The following ADRA1B variants were observed in gnomAD, a reference collection of about 807,000 sequenced individuals.
The protein encoded by ADRA1B is adrenoceptor alpha 1B, also known as alpha-1B adrenergic receptor.
In ADRA1B, 17 loss-of-function variants were observed where a neutral mutation model predicts 17.9. The observed-to-expected ratio is 0.95, with a 90% CI of 0.65 to 1.42. ADRA1B has a LOEUF of 1.42. Ranked by LOEUF, ADRA1B falls within the 40% of genes most tolerant of loss-of-function variation. ADRA1B has a pLI of 0.00. For synonymous variants in ADRA1B, 366 were observed against 327.6 expected, an observed-to-expected ratio of 1.12 and a Z score of -1.27; for missense variants, 681 against 722.1, an observed-to-expected ratio of 0.94 and a Z score of 0.65.
At chr5:159,904,021 G>A (rs1026081179) in intron 1 of ADRA1B, among the ~76,000 whole-genome samples, 2 of 152,274 alleles carry the variant, frequency 1.3e-5, no homozygotes, top group East Asian at 1.9e-4. Flanking sequence ...AGCATTTGCC[G>A]AAATGTTAAC....
chr5:159,948,229 G>A (rs1755329883), intron 1 of ADRA1B: 2 of 985,430 alleles, frequency 2.0e-6, no homozygotes, highest in Non-Finnish European at 2.4e-6. Flanking sequence ...CTGCATTACA[G>A]CACAGATTAT....
intron 1 of ADRA1B, among the ~76,000 whole-genome samples, chr5:159,925,312 T>C (rs1754614992): frequency 6.6e-6 from 1 of 152,246 alleles, no homozygotes; most frequent in Non-Finnish European, 1.5e-5. Flanking sequence ...GTCGTTCCTC[T>C]AGGAAGATAA....
At chr5:159,980,799 CTT>C in the ADRA1B span, among the ~76,000 whole-genome samples, 3 of 151,894 alleles carry the variant, frequency 2.0e-5, no homozygotes, top group East Asian at 5.8e-4. Context: ...AAAATGGAGA[CTT>C]AGAATTAGCC....
At chr5:159,911,722 G>A (rs1196929800), upstream of ADRA1B, among the ~76,000 whole-genome samples, 1 of 152,120 alleles carries the variant, frequency 6.6e-6, no homozygotes, top group African/African-American at 2.4e-5. Flanking sequence ...GCCTTTGGAG[G>A]TAGAAGAGAA....
At chr5:159,988,640 T>C in the ADRA1B span, among the ~76,000 whole-genome samples, 669 of 152,272 alleles carry the variant, frequency 4.4e-3, 5 homozygotes, top group African/African-American at 0.016. Flanking sequence ...CACCTGAGTC[T>C]CTTTCCTAGA....
At chr5:159,891,225 C>A (rs1753980323) in intron 1 of ADRA1B, among the ~76,000 whole-genome samples, 1 of 152,190 alleles carries the variant, frequency 6.6e-6, no homozygotes, top group Admixed American at 6.5e-5. Flanking sequence ...CAGAGCTATG[C>A]ACTGCTTTAT....
intron 1 of ADRA1B, among the ~76,000 whole-genome samples, chr5:159,939,424 T>C (rs1041299298): frequency 6.6e-6 from 1 of 151,902 alleles, no homozygotes; most frequent in Non-Finnish European, 1.5e-5. Flanking sequence ...AGAGCACAGA[T>C]CTGCTCAAGC....
chr5:159,971,565 T>G (rs569159054), intron 1 of ADRA1B, among the ~76,000 whole-genome samples: 1 of 152,314 alleles, frequency 6.6e-6, no homozygotes, highest in Non-Finnish European at 1.5e-5. Flanking sequence ...GGGCGATTAT[T>G]GTTATCACTT....
At chr5:159,959,665 G>A (rs1471124846) in intron 1 of ADRA1B, among the ~76,000 whole-genome samples, 1 of 152,122 alleles carries the variant, frequency 6.6e-6, no homozygotes, top group Admixed American at 6.5e-5. Context: ...GTATTGTCAA[G>A]TTAAAAGTGA....
intron 1 of ADRA1B, among the ~76,000 whole-genome samples, chr5:159,928,576 TAC>T (rs144332506): frequency 0.026 from 3,999 of 152,312 alleles, 80 homozygotes; most frequent in Non-Finnish European, 0.036. Context: ...TGTGTCTGCC[TAC>T]AGTGTCTTGC....
At chr5:159,930,941 G>A (rs1469477387) in intron 1 of ADRA1B, among the ~76,000 whole-genome samples, 9 of 148,860 alleles carry the variant, frequency 6.0e-5, no homozygotes, top group Non-Finnish European at 3.0e-5. Flanking sequence ...GGCCAAAAAA[G>A]AAGATTGTTG....
chr5:159,972,268 T>A lies in ADRA1B; in HGVS notation c.1339T>A (p.Trp447Arg). 7 of 1,294,848 alleles carry A rather than the reference T, an allele frequency of 5.4e-6. No individual in the cohort carries two copies. Among genetic ancestry groups the A allele is most frequent in the Non-Finnish European group, 6.9e-6 (7 of 1,015,718 alleles). 80.2% of individuals were successfully genotyped at this position (1,294,848 alleles called of 1,614,324 possible). Residue 447 changes from tryptophan (W) to arginine (R), a missense_variant, in exon 2 of 2, where the codon TGG (tryptophan) becomes AGG (arginine). Physicochemically the swap from Trp to Arg is moderately radical, Grantham distance 101 (BLOSUM62 -3). Coordinates refer to ENST00000306675, the MANE Select transcript of ADRA1B (RefSeq NM_000679.4). ...AGTCGAGCTGTGCGCCTTCCCCGAG[T>A]GGAAGGCGCCCGGCGCCCTCCTGAG... ...PPVELCAFPE[W>R]KAPGALLSLP...
At chr5:159,964,160 G>T (rs369641027) in intron 1 of ADRA1B, among the ~76,000 whole-genome samples, 1 of 152,162 alleles carries the variant, frequency 6.6e-6, no homozygotes, top group Non-Finnish European at 1.5e-5. Context: ...CCATCACTGA[G>T]CAAATATCTA....
chr5:159,955,604 G>T (rs1755538358), intron 1 of ADRA1B, among the ~76,000 whole-genome samples: 1 of 152,148 alleles, frequency 6.6e-6, no homozygotes, highest in Non-Finnish European at 1.5e-5. Context: ...CAGCCAGCAG[G>T]TTCATCTACT....
intron 1 of ADRA1B, among the ~76,000 whole-genome samples, chr5:159,897,598 T>C (rs988172231): frequency 3.3e-5 from 5 of 152,126 alleles, no homozygotes; most frequent in African/African-American, 1.2e-4. Context: ...TTTCCAAGGT[T>C]CCTAAAATCG....
At chr5:159,983,502 G>A in the ADRA1B span, among the ~76,000 whole-genome samples, 11 of 152,156 alleles carry the variant, frequency 7.2e-5, no homozygotes, top group Non-Finnish European at 1.5e-4. Flanking sequence ...CGCTCACCGC[G>A]TGCCATTGGG....
chr5:159,890,326 A>C (rs1035000046), intron 1 of ADRA1B, among the ~76,000 whole-genome samples: 53 of 152,244 alleles, frequency 3.5e-4, no homozygotes, highest in African/African-American at 1.1e-3. Flanking sequence ...TCCCAGGTGT[A>C]GGATACTTGC....
chr5:159,973,270 C>G (rs1380356783), downstream of ADRA1B, among the ~76,000 whole-genome samples: 1 of 152,222 alleles, frequency 6.6e-6, no homozygotes, highest in Non-Finnish European at 1.5e-5. Flanking sequence ...ACGTGACGCC[C>G]TGGACTTGCC....
chr5:159,916,998 C>T lies in ADRA1B; in HGVS notation c.93C>T (p.Thr31=). 2 of 1,614,188 alleles carry T rather than the reference C, an allele frequency of 1.2e-6. No homozygotes were observed. The highest frequency in any genetic ancestry group is 2.2e-5 in the East Asian group (1 of 44,880). The change falls in exon 1 of 2, where the codon ACC becomes ACT. Residue 31 remains threonine (T), a synonymous_variant. Transcript: ENST00000306675. ...KNANFTGPNQ[T]SSNSTLPQLD... is the part of the protein sequence containing the mutation. ...CCAACTTCACTGGCCCCAACCAGAC[C>T]TCGAGCAACTCCACACTGCCCCAGC...
Sources: allele counts gnomAD v4.1 joint callset (sites outside exome capture counted in the v4.1 genomes callset), GRCh38; gene constraint gnomAD v4.1.1; transcripts MANE v1.5; gene names NCBI Gene and HGNC (gene_info 2026-07-23, HGNC 2026-07-21).